The following KLHL1 variants were observed in gnomAD, a reference collection of about 807,000 sequenced individuals.
KLHL1 encodes the protein kelch like family member 1.
KLHL1 carries 47 observed loss-of-function variants against 77.7 expected under a neutral mutation model. The observed-to-expected ratio is 0.60, with a 90% CI of 0.48 to 0.77. The LOEUF (loss-of-function observed/expected upper bound fraction) is 0.77. KLHL1 is among the 30% of genes least tolerant of loss of function. KLHL1 has a pLI of 0.00. For synonymous variants in KLHL1, 360 were observed against 325.2 expected (o/e 1.11, Z -1.15); for missense variants, 925 against 910.8 (o/e 1.02, Z -0.20).
chr13:69,821,943 T>C (rs924226357), intron 6 of KLHL1, among the ~76,000 whole-genome samples: 1 of 152,122 alleles, frequency 6.6e-6, no homozygotes, highest in African/African-American at 2.4e-5. Context: ...CTCATGCCTG[T>C]AATCCCAGCA....
intron 6 of KLHL1, among the ~76,000 whole-genome samples, chr13:69,827,243 T>C (rs190182465): frequency 5.5e-4 from 84 of 151,800 alleles, no homozygotes; most frequent in Non-Finnish European, 1.1e-3. Context: ...TTTAATTTTG[T>C]CAATTATATA....
intron 1 of KLHL1, among the ~76,000 whole-genome samples, chr13:70,101,128 T>C (rs897948902): frequency 1.3e-5 from 2 of 152,188 alleles, no homozygotes; most frequent in Non-Finnish European, 2.9e-5. Flanking sequence ...TTATATTCTA[T>C]GTTAGCCAGA....
At chr13:69,728,759 G>C (rs1424906566) in intron 8 of KLHL1, among the ~76,000 whole-genome samples, 3 of 149,800 alleles carry the variant, frequency 2.0e-5, no homozygotes, top group African/African-American at 7.3e-5. Context: ...AGTGAGCTGA[G>C]ATTGTGCCAC....
chr13:70,051,338 C>G (rs894759108), intron 1 of KLHL1, among the ~76,000 whole-genome samples: 2 of 151,980 alleles, frequency 1.3e-5, no homozygotes, highest in Non-Finnish European at 2.9e-5. Context: ...AAATGAATGG[C>G]AGATGGTTAC....
rs573538295 is a variant in KLHL1 at position 70,068,113 on chromosome 13, G to A, written c.497+39090C>T. Among the ~76,000 whole-genome samples the A allele has an allele frequency of 2.2e-3, 339 of 151,250 alleles. 1 individual carries two copies. The highest frequency in any genetic ancestry group is 7.1e-3 in the African/African-American group (295 of 41,308). ...TCCCAGCACTTTGGGAGGCCGAGGC[G>A]GGCGGATCACGAGGTCAGGAGATCG... On this transcript the variant is annotated intron_variant, in intron 1 of 10. Coordinates refer to ENST00000377844, the MANE Select transcript of KLHL1 (RefSeq NM_020866.3).
intron 8 of KLHL1, among the ~76,000 whole-genome samples, chr13:69,727,728 T>C (rs1246985252): frequency 6.6e-6 from 1 of 152,302 alleles, no homozygotes; most frequent in Non-Finnish European, 1.5e-5. Context: ...AATTGGCATA[T>C]ATCTTAGCCA....
At chr13:70,077,256 T>G (rs1887287452) in intron 1 of KLHL1, among the ~76,000 whole-genome samples, 1 of 151,916 alleles carries the variant, frequency 6.6e-6, no homozygotes, top group Non-Finnish European at 1.5e-5. Context: ...GGTACACCCA[T>G]ACAAAAAGTG....
intron 1 of KLHL1, among the ~76,000 whole-genome samples, chr13:70,082,080 C>T (rs555092909): frequency 2.6e-5 from 4 of 152,176 alleles, no homozygotes; most frequent in Admixed American, 6.5e-5. Context: ...CTCTCTTCCT[C>T]CTGCTCCAGT....
At chr13:70,044,681 A>T (rs563773712) in intron 1 of KLHL1, among the ~76,000 whole-genome samples, 2 of 152,232 alleles carry the variant, frequency 1.3e-5, no homozygotes, top group Non-Finnish European at 2.9e-5. Flanking sequence ...TCTATACATT[A>T]ATTTAAATGA....
chr13:69,914,717 A>C (rs1882363132), intron 4 of KLHL1, among the ~76,000 whole-genome samples: 1 of 152,212 alleles, frequency 6.6e-6, no homozygotes, highest in Admixed American at 6.5e-5. Context: ...TAACTCATTC[A>C]GAATTGTCAT....
At chr13:69,705,262 CAAA>C (rs1406134616) in intron 10 of KLHL1, among the ~76,000 whole-genome samples, 1 of 151,366 alleles carries the variant, frequency 6.6e-6, no homozygotes, top group African/African-American at 2.4e-5. Context: ...TGTTCAATGA[CAAA>C]AGTCAAATTT....
chr13:69,869,106 A>G (rs1880482484), intron 5 of KLHL1, among the ~76,000 whole-genome samples: 1 of 152,156 alleles, frequency 6.6e-6, no homozygotes, highest in African/African-American at 2.4e-5. Flanking sequence ...AAAATGTTGT[A>G]TAAATTATTG....
chr13:69,846,726 AC>A (rs1879475115), intron 5 of KLHL1, among the ~76,000 whole-genome samples: 1 of 150,810 alleles, frequency 6.6e-6, no homozygotes, highest in African/African-American at 2.4e-5. Context: ...CATACATTGA[AC>A]CACATGATCA....
At chr13:69,718,479 G>C (rs1872878353) in intron 9 of KLHL1, among the ~76,000 whole-genome samples, 1 of 151,874 alleles carries the variant, frequency 6.6e-6, no homozygotes, top group Non-Finnish European at 1.5e-5. Flanking sequence ...AGGAAAAAAA[G>C]CATCATGGTA....
At chr13:69,754,192 GAT>G (rs1874609334) in intron 7 of KLHL1, among the ~76,000 whole-genome samples, 1 of 152,018 alleles carries the variant, frequency 6.6e-6, no homozygotes, top group Non-Finnish European at 1.5e-5. Flanking sequence ...TTTAAGAAAT[GAT>G]AGGATTATTA....
chr13:69,938,389 T>G (rs1381720671), intron 4 of KLHL1, among the ~76,000 whole-genome samples: 1 of 152,104 alleles, frequency 6.6e-6, no homozygotes, highest in East Asian at 1.9e-4. Context: ...ATCTTCTATT[T>G]TTCTGTTTTA....
At chr13:70,048,507 GA>G (rs1886552236) in intron 1 of KLHL1, among the ~76,000 whole-genome samples, 1 of 152,160 alleles carries the variant, frequency 6.6e-6, no homozygotes, top group Non-Finnish European at 1.5e-5. Context: ...GAAACCTGTT[GA>G]CCAGCAGTCT....
intron 2 of KLHL1, among the ~76,000 whole-genome samples, chr13:69,964,055 T>TCG (rs1392259997): frequency 7.8e-6 from 1 of 128,494 alleles, no homozygotes; most frequent in African/African-American, 2.9e-5. Flanking sequence ...GTTTGTTTGT[T>TCG]TTTTTAAAAA....
chr13:69,915,581 C>T (rs1040575918), intron 4 of KLHL1, among the ~76,000 whole-genome samples: 2 of 152,124 alleles, frequency 1.3e-5, no homozygotes, highest in South Asian at 2.1e-4. Flanking sequence ...ACACCTTATA[C>T]AAAAATTAAT....
Sources: allele counts gnomAD v4.1 joint callset (sites outside exome capture counted in the v4.1 genomes callset), GRCh38; gene constraint gnomAD v4.1.1; transcripts MANE v1.5; gene names NCBI Gene and HGNC (gene_info 2026-07-23, HGNC 2026-07-21).